The following PALM variants were observed in gnomAD, a reference collection of about 807,000 sequenced individuals.
PALM encodes paralemmin-1.
In PALM, 18 loss-of-function variants were observed where a neutral mutation model predicts 30.7. The ratio of observed to expected loss-of-function variants is 0.59; its 90% CI spans 0.41 to 0.87. The LOEUF (loss-of-function observed/expected upper bound fraction) is 0.87. PALM is among the 40% of genes least tolerant of loss of function. The probability of loss-of-function intolerance (pLI) is 0.00; values close to 1 mark genes in which losing one functional copy is unlikely to be tolerated. For missense variants in PALM, 529 were observed against 555.4 expected, an observed-to-expected ratio of 0.95 and a Z score of 0.48; for synonymous variants, 286 against 242.8, an observed-to-expected ratio of 1.18 and a Z score of -1.66.
chr19:719,638 T>G, intron 1 of PALM: 1 of 985,946 alleles, frequency 1.0e-6, no homozygotes, highest in Non-Finnish European at 1.2e-6. Flanking sequence ...TGCCCGGGAC[T>G]CAGCTCCTCC....
At chr19:726,276 C>G (rs893161577) in intron 2 of PALM, 87 bp downstream of exon 2, 1 of 1,095,736 alleles carries the variant, frequency 9.1e-7, no homozygotes, top group Non-Finnish European at 1.4e-6. Context: ...TGTCCTAGGA[C>G]CTGGAACCAG....
chr19:714,014 CCT>C (rs760841122), intron 1 of PALM, among the ~76,000 whole-genome samples: 17 of 151,848 alleles, frequency 1.1e-4, no homozygotes, highest in Non-Finnish European at 2.2e-4. Context: ...AAGCCATTCC[CCT>C]GTCTCAGCCT....
At chr19:738,952 G>T (rs138498948) in intron 7 of PALM, among the ~76,000 whole-genome samples, 1 of 152,212 alleles carries the variant, frequency 6.6e-6, no homozygotes, top group Non-Finnish European at 1.5e-5. Flanking sequence ...CGCACCTGGG[G>T]TGCAGTGTCA....
chr19:735,820 G>T (rs1482351328), intron 6 of PALM, among the ~76,000 whole-genome samples, 199 bp from the exon 7 acceptor site: 1 of 148,900 alleles, frequency 6.7e-6, no homozygotes, highest in African/African-American at 2.5e-5. Flanking sequence ...GGTGGGATCT[G>T]TGTGTCTGAG....
intron 5 of PALM, among the ~76,000 whole-genome samples, 171 bp downstream of exon 5, chr19:731,416 C>T (rs1192205445): frequency 2.6e-5 from 4 of 152,212 alleles, no homozygotes; most frequent in Non-Finnish European, 4.4e-5. Context: ...AGCCGGGACA[C>T]GTGGTTTCGC....
At position 742,602 on chromosome 19, in the gene PALM, T is replaced by A. The variant is rs1234636562; in HGVS notation, c.634+2119T>A. ...CCTGTGCGACAAGAGTGAAACTCTG[T>A]CTCAAAAAAAAAAAAAAGAAAGAAA... On this transcript the variant is annotated intron_variant, in intron 8 of 8. Transcript: ENST00000338448. The surrounding 1 kb of genome is among the most constrained non-coding windows in gnomAD (Gnocchi z 5.5). 1.0e-5 allele frequency among the ~76,000 whole-genome samples: 1 copy of A among 95,782 alleles called. No individual in the cohort carries two copies. The highest frequency in any genetic ancestry group is 1.1e-4 in the Admixed American group (1 of 9,398). The allele number at this position is 95,782 out of a possible 152,430, so 62.8% of individuals were successfully genotyped here. A position where few individuals can be genotyped will look rare whatever the true frequency, so the allele number is the denominator to read the frequency against.
chr19:734,326 G>A (rs113598205), intron 6 of PALM, 132 bp downstream of exon 6: 22,399 of 790,994 alleles, frequency 0.028, 425 homozygotes, highest in African/African-American at 0.065. Flanking sequence ...TTGGGAGGCC[G>A]AGGCGGGTAG....
chr19:731,170 G>A lies in PALM; in HGVS notation c.345G>A (p.Pro115=), dbSNP rs200527631. 385 of 1,609,922 alleles carry A rather than the reference G, an allele frequency of 2.4e-4. 1 individual carries two copies. The highest frequency in any genetic ancestry group is 1.7e-4 in the Middle Eastern group (1 of 5,986). Residue 115 remains proline (P), a synonymous_variant, in exon 5 of 9, where the codon CCG becomes CCA. Coordinates refer to ENST00000338448, the MANE Select transcript of PALM (RefSeq NM_002579.3). ...CTGCCAAGGAGAACGCGGCGGCCCCGAGCCCAGTCCGGGCCCCAGCCCCGA... is the reference window on the plus strand; with the variant it reads ...CTGCCAAGGAGAACGCGGCGGCCCCAAGCCCAGTCCGGGCCCCAGCCCCGA... The part of the protein sequence containing the change: ...PATAKENAAA[P]SPVRAPAPSP...
intron 1 of PALM, among the ~76,000 whole-genome samples, chr19:719,810 C>T (rs944639266): frequency 6.6e-6 from 1 of 152,158 alleles, no homozygotes; most frequent in African/African-American, 2.4e-5. Flanking sequence ...GGCCGCCCTG[C>T]CCGGCCTCAG....
At chr19:734,248 A>T (rs1568229566) in intron 6 of PALM, 54 bp downstream of exon 6, 1 of 1,551,224 alleles carries the variant, frequency 6.4e-7, no homozygotes, top group Non-Finnish European at 8.9e-7. Flanking sequence ...GTGGCCAGAG[A>T]GGGGATGGCA....
At chr19:727,790 T>G in intron 4 of PALM, 96 bp downstream of exon 4, 1 of 1,181,950 alleles carries the variant, frequency 8.5e-7, no homozygotes, top group East Asian at 2.6e-5. Context: ...GTCAGTGTGC[T>G]TTGAGGGAGA....
chr19:724,939 C>T (rs1038071298), intron 1 of PALM, among the ~76,000 whole-genome samples: 2 of 150,740 alleles, frequency 1.3e-5, no homozygotes, highest in East Asian at 2.0e-4. Flanking sequence ...TTTTGTTTTG[C>T]GACAGGGTCT....
chr19:722,353 C>A (rs1401745948), intron 1 of PALM, among the ~76,000 whole-genome samples: 1 of 152,140 alleles, frequency 6.6e-6, no homozygotes, highest in Non-Finnish European at 1.5e-5. Context: ...TAGCTGGGAC[C>A]ACAGGGACAT....
At chr19:719,293 C>T (rs2032374775) in intron 1 of PALM, 2 of 985,334 alleles carry the variant, frequency 2.0e-6, no homozygotes, top group African/African-American at 3.5e-5. Flanking sequence ...ACACCAACGC[C>T]CCGCACCGCG....
At chr19:726,965 G>GGGGGGGGGACCCGGCC in intron 2 of PALM, 43 bp from the exon 3 acceptor site, 2 of 1,037,618 alleles carry the variant, frequency 1.9e-6, no homozygotes, top group Non-Finnish European at 2.7e-6. Flanking sequence ...GGGTCTCCGG[G>GGGGGGGGGACCCGGCC]ACCCCCACGC....
chr19:745,342 A>G (rs1344621109), intron 8 of PALM, among the ~76,000 whole-genome samples: 3 of 152,176 alleles, frequency 2.0e-5, no homozygotes, highest in African/African-American at 7.2e-5. Flanking sequence ...CTATCTTTAC[A>G]GCGGAAATGA....
intron 2 of PALM, 24 bp from the exon 3 acceptor site, chr19:726,984 G>GGGCCCCC: frequency 8.5e-7 from 1 of 1,183,058 alleles, no homozygotes. Context: ...GCCCATCCCT[G>GGGCCCCC]ACCCCACCCG....
At chr19:720,575 G>C (rs1275002491) in intron 1 of PALM, among the ~76,000 whole-genome samples, 2 of 131,496 alleles carry the variant, frequency 1.5e-5, no homozygotes, top group Non-Finnish European at 3.4e-5. Context: ...AGGGGGCGCC[G>C]GGTCTGGGGA....
intron 1 of PALM, 129 bp from the exon 2 acceptor site, chr19:726,009 C>G (rs2144877009): frequency 4.1e-6 from 3 of 735,802 alleles, no homozygotes; most frequent in Non-Finnish European, 7.1e-6. Flanking sequence ...GAAGGGGAAA[C>G]TGGGGTTCAG....
Sources: allele counts gnomAD v4.1 joint callset (sites outside exome capture counted in the v4.1 genomes callset), GRCh38; gene constraint gnomAD v4.1.1; non-coding constraint Gnocchi (gnomAD v3.1); transcripts MANE v1.5; gene names NCBI Gene and HGNC (gene_info 2026-07-23, HGNC 2026-07-21).